TNFAIP2: variants seen among roughly 807,000 people sequenced by gnomAD.
TNFAIP2 encodes the protein tumor necrosis factor alpha-induced protein 2.
TNFAIP2 carries 47 observed loss-of-function variants against 63.5 expected under a neutral mutation model. That is an observed-to-expected ratio of 0.74 (90% CI 0.59 to 0.94). TNFAIP2 has a LOEUF of 0.94. Among genes scored for constraint, TNFAIP2 ranks in the 40% least tolerant of loss-of-function variants. TNFAIP2 has a pLI of 0.00. For missense variants in TNFAIP2, 787 were observed against 850.2 expected, an observed-to-expected ratio of 0.93 and a Z score of 0.92; for synonymous variants, 405 against 390.2, an observed-to-expected ratio of 1.04 and a Z score of -0.45.
chr14:103,128,625 C>G (rs8176386), intron 3 of TNFAIP2, among the ~76,000 whole-genome samples: 1 of 151,924 alleles, frequency 6.6e-6, no homozygotes, highest in Non-Finnish European at 1.5e-5. Context: ...GGCCTGTGGG[C>G]TCAGTTCGTG....
In TNFAIP2 at chr14:103,131,858, T is replaced by C. The variant is rs888615552; in HGVS notation, c.1422+96T>C. On this transcript the variant is annotated intron_variant, in intron 8 of 11. Transcript: ENST00000560869. This position sits in a 1 kb window ranked among gnomAD's most constrained non-coding sequence, Gnocchi z 4.0. ...CAGGGAGGAGTGGCAGAAGCAAAGA[T>C]GTGGGGAAGACACGCTCCAGGCCTG... is the stretch of plus-strand genomic sequence containing the variant. 5 of 1,493,900 alleles carry C rather than the reference T, an allele frequency of 3.3e-6. No homozygotes were observed. Among genetic ancestry groups the C allele is most frequent in the Admixed American group, 2.0e-5 (1 of 50,272 alleles). 92.5% of individuals were successfully genotyped at this position (1,493,900 alleles called of 1,614,324 possible).
In TNFAIP2 at chr14:103,133,375, C is replaced by T. The variant is rs2088026224; in HGVS notation, c.1559C>T (p.Ala520Val). 6.2e-7 allele frequency: 1 copy of T among 1,613,576 alleles called. No individual in the cohort carries two copies. Among genetic ancestry groups the T allele is most frequent in the Non-Finnish European group, 8.5e-7 (1 of 1,179,952 alleles). ...TTGCCCTCCCAGGAGCTCATGGAGGCCTTGCACCTGCACCTGGTGAAGGAG... is the reference window on the plus strand; with the variant it reads ...TTGCCCTCCCAGGAGCTCATGGAGGTCTTGCACCTGCACCTGGTGAAGGAG... Reference protein sequence around the residue: ...QGCFREELMEALHLHLVKEYI... With the variant: ...QGCFREELMEVLHLHLVKEYI... Residue 520 changes from alanine to valine, a missense_variant, in exon 10 of 12, where the codon GCC becomes GTC. By Grantham distance (64) the Ala-to-Val change is moderately conservative. Transcript: ENST00000560869.
In TNFAIP2 at chr14:103,127,333, G is replaced by A. The variant is rs2087879243; in HGVS notation, c.564G>A (p.Gln188=). The A allele has an allele frequency of 9.0e-7, 1 of 1,116,996 alleles. No homozygotes were observed. Among genetic ancestry groups the A allele is most frequent in the Non-Finnish European group, 1.1e-6 (1 of 911,480 alleles). The allele number at this position is 1,116,996 out of a possible 1,614,324, so 69.2% of individuals were successfully genotyped here. ...LAATRPRRWL[Q]LWRRGVAEAA... ...CCACGCGCCCGCGGCGCTGGCTGCAGCTGTGGCGGCGCGGCGTGGCGGAGG... is the reference window on the plus strand; with the variant it reads ...CCACGCGCCCGCGGCGCTGGCTGCAACTGTGGCGGCGCGGCGTGGCGGAGG... Residue 188 remains glutamine, a synonymous_variant, in exon 3 of 12, where the codon CAG becomes CAA. Transcript: ENST00000560869. This position sits in a 1 kb window ranked among gnomAD's most constrained non-coding sequence, Gnocchi z 5.1.
At chr14:103,129,504 TGG>T (rs35176857) in intron 3 of TNFAIP2, among the ~76,000 whole-genome samples, 103,443 of 129,204 alleles carry the variant, frequency 0.8, 40,434 homozygotes, top group African/African-American at 0.87. Flanking sequence ...CAGGACCTAA[TGG>T]GGGGGGGGTG....
intron 11 of TNFAIP2, among the ~76,000 whole-genome samples, chr14:103,134,286 G>C (rs931791413): frequency 6.6e-6 from 1 of 152,204 alleles, no homozygotes. Flanking sequence ...AAGTTTGAAT[G>C]GGTCTTGACA....
Position 103,135,686 on chromosome 14 carries a change from G to A in TNFAIP2, c.*326G>A. 1 of 1,248,710 alleles carries A rather than the reference G, an allele frequency of 8.0e-7. No homozygotes were observed. Among genetic ancestry groups the A allele is most frequent in the South Asian group, 1.5e-5 (1 of 65,498 alleles). The allele number at this position is 1,248,710 out of a possible 1,614,324, so 77.4% of individuals were successfully genotyped here. Reference sequence around the variant, plus strand: ...GTGCAGCCAGGCTCAGGGATCCCCGGACACCTCTGTCCAGAGCCCCTCCAC... The same window carrying A: ...GTGCAGCCAGGCTCAGGGATCCCCGAACACCTCTGTCCAGAGCCCCTCCAC... On this transcript the variant is annotated 3_prime_UTR_variant, in exon 12 of 12. Coordinates refer to ENST00000560869, the MANE Select transcript of TNFAIP2 (RefSeq NM_006291.4). The surrounding 1 kb of genome is among the most constrained non-coding windows in gnomAD (Gnocchi z 7.6).
upstream of TNFAIP2, among the ~76,000 whole-genome samples, chr14:103,123,239 G>A (rs2087781408): frequency 1.3e-5 from 2 of 152,156 alleles, no homozygotes. Context: ...CCAGCCCCCC[G>A]CCCCTGCCCG....
At chr14:103,132,526 G>T (rs8176390) in intron 8 of TNFAIP2, among the ~76,000 whole-genome samples, 1 of 152,190 alleles carries the variant, frequency 6.6e-6, no homozygotes, top group Non-Finnish European at 1.5e-5. Context: ...CTCCTGAGCC[G>T]CACTGGGTGA....
chr14:103,132,974 G>A (rs1887940), intron 9 of TNFAIP2, 102 bp downstream of exon 9: 1,215,218 of 1,533,680 alleles, frequency 0.79, 484,037 homozygotes, highest in African/African-American at 0.88. Context: ...GTGCTCACAC[G>A]CGCACATGTG....
Position 103,127,376 on chromosome 14 carries a change from G to A in TNFAIP2, c.607G>A (p.Gly203Ser), listed in dbSNP as rs1045964343. 55 of 1,521,442 alleles carry A rather than the reference G, an allele frequency of 3.6e-5. No individual in the cohort carries two copies. Among genetic ancestry groups the A allele is most frequent in the Middle Eastern group, 1.8e-4 (1 of 5,464 alleles). The allele number at this position is 1,521,442 out of a possible 1,614,324, so 94.2% of individuals were successfully genotyped here. The change falls in exon 3 of 12, where the codon GGC (glycine) becomes AGC (serine). Residue 203 changes from glycine to serine, a missense_variant. Physicochemically the swap from Gly to Ser is moderately conservative, Grantham distance 56 (BLOSUM62 0). Transcript: ENST00000560869. This position sits in a 1 kb window ranked among gnomAD's most constrained non-coding sequence, Gnocchi z 5.1. ...GVAEAAEERMGQRPAAGAEVP... is the reference protein window; with the variant it reads ...GVAEAAEERMSQRPAAGAEVP... Reference sequence around the variant, plus strand: ...GGCGGAGGCGGCCGAGGAGCGCATGGGCCAGCGGCCGGCCGCGGGCGCCGA... The same window carrying A: ...GGCGGAGGCGGCCGAGGAGCGCATGAGCCAGCGGCCGGCCGCGGGCGCCGA...
rs1333340601 is a variant in TNFAIP2 at position 103,131,400 on chromosome 14, ATCTG to A, written c.1299-235_1299-232del. On this transcript the variant is annotated intron_variant, in intron 7 of 11. Transcript: ENST00000560869. This position sits in a 1 kb window ranked among gnomAD's most constrained non-coding sequence, Gnocchi z 4.0. ...GCAACCCTGTGAAGTAGGTATAGTG[ATCTG>A]TCTATTAGGCAGATGGGCAAACCAC... Among the ~76,000 whole-genome samples the A allele has an allele frequency of 3.3e-5, 5 of 152,164 alleles. No individual in the cohort carries two copies. The highest frequency in any genetic ancestry group is 3.3e-4 in the Admixed American group (5 of 15,274).
Position 103,127,505 on chromosome 14 carries a change from G to A in TNFAIP2, c.736G>A (p.Val246Met). ...GCTGTTCCCCGCCGAGTTCGGCGTCGTGGCGGCCTACGCCGAGAGCTACCA... is the reference window on the plus strand; with the variant it reads ...GCTGTTCCCCGCCGAGTTCGGCGTCATGGCGGCCTACGCCGAGAGCTACCA... ...KPLFPAEFGVVAAYAESYHQH... is the reference protein window; with the variant it reads ...KPLFPAEFGVMAAYAESYHQH... The change falls in exon 3 of 12, where the codon GTG (valine) becomes ATG (methionine). Residue 246 changes from valine (V) to methionine (M), a missense_variant. Physicochemically the swap from Val to Met is conservative, Grantham distance 21. Transcript: ENST00000560869. The surrounding 1 kb of genome is among the most constrained non-coding windows in gnomAD (Gnocchi z 5.1). 6.3e-7 allele frequency: 1 copy of A among 1,589,842 alleles called. No homozygotes were observed. The highest frequency in any genetic ancestry group is 8.5e-7 in the Non-Finnish European group (1 of 1,175,804).
Position 103,135,115 on chromosome 14 carries a change from C to A in TNFAIP2, c.1824-104C>A, listed in dbSNP as rs983518611. 2.1e-6 allele frequency: 3 copies of A among 1,437,866 alleles called. No homozygotes were observed. The highest frequency in any genetic ancestry group is 2.8e-5 in the African/African-American group (2 of 71,394). The allele number at this position is 1,437,866 out of a possible 1,614,324, so 89.1% of individuals were successfully genotyped here. A position where few individuals can be genotyped will look rare whatever the true frequency, so the allele number is the denominator to read the frequency against. ...AGTGAAGTGCAGCCCCCTCGTGGGCCGGGCGTTGGCTGTCGGGCCCTGTGG... is the reference window on the plus strand; with the variant it reads ...AGTGAAGTGCAGCCCCCTCGTGGGCAGGGCGTTGGCTGTCGGGCCCTGTGG... On this transcript the variant is annotated intron_variant, in intron 11 of 11. Coordinates refer to ENST00000560869, the MANE Select transcript of TNFAIP2 (RefSeq NM_006291.4). The surrounding 1 kb of genome is among the most constrained non-coding windows in gnomAD (Gnocchi z 7.6).
chr14:103,136,121 C>A lies in TNFAIP2; in HGVS notation c.*761C>A. On this transcript the variant is annotated 3_prime_UTR_variant, in exon 12 of 12. Transcript: ENST00000560869. Reference sequence around the variant, plus strand: ...CTCTCAGGCTCCCCCTTCCCCAAGGCAGGGACAGGCCCTGGGGGTGCCACC... The same window carrying A: ...CTCTCAGGCTCCCCCTTCCCCAAGGAAGGGACAGGCCCTGGGGGTGCCACC... 1 of 975,356 alleles carries A rather than the reference C, an allele frequency of 1.0e-6. No homozygotes were observed. Among genetic ancestry groups the A allele is most frequent in the Non-Finnish European group, 1.3e-6 (1 of 745,758 alleles). 60.4% of individuals were successfully genotyped at this position (975,356 alleles called of 1,614,324 possible). A position where few individuals can be genotyped will look rare whatever the true frequency, so the allele number is the denominator to read the frequency against.
intron 1 of TNFAIP2, among the ~76,000 whole-genome samples, chr14:103,125,197 C>G (rs1448614792): frequency 2.6e-5 from 4 of 152,228 alleles, no homozygotes; most frequent in Non-Finnish European, 5.9e-5. Flanking sequence ...CAGGTGGCAT[C>G]AAGGTTACAG....
At position 103,136,841 on chromosome 14, in the gene TNFAIP2, T is replaced by C. The variant is rs2088103833; in HGVS notation, c.*1481T>C. On this transcript the variant is annotated 3_prime_UTR_variant, in exon 12 of 12. Coordinates refer to ENST00000560869, the MANE Select transcript of TNFAIP2 (RefSeq NM_006291.4). Reference sequence around the variant, plus strand: ...CTTTTAAGGACGCTTATGATCACATTGCGCCTACCCAGAGAACCCAGGTCG... The same window carrying C: ...CTTTTAAGGACGCTTATGATCACATCGCGCCTACCCAGAGAACCCAGGTCG... 6.6e-6 allele frequency: 1 copy of C among 152,192 alleles called. No individual in the cohort carries two copies. The allele number at this position is 152,192 out of a possible 1,614,324, so 9.4% of individuals were successfully genotyped here.
chr14:103,127,492 C>T lies in TNFAIP2; in HGVS notation c.723C>T (p.Ala241=), dbSNP rs1227437358. ...VVERLKPLFP[A]EFGVVAAYAE... ...AGCGGCTGAAGCCGCTGTTCCCCGC[C>T]GAGTTCGGCGTCGTGGCGGCCTACG... is the stretch of plus-strand genomic sequence containing the variant. Residue 241 remains alanine (A), a synonymous_variant, in exon 3 of 12, where the codon GCC becomes GCT. Coordinates refer to ENST00000560869, the MANE Select transcript of TNFAIP2 (RefSeq NM_006291.4). The surrounding 1 kb of genome is among the most constrained non-coding windows in gnomAD (Gnocchi z 5.1). The T allele has an allele frequency of 1.3e-6, 2 of 1,590,082 alleles. No individual in the cohort carries two copies. The highest frequency in any genetic ancestry group is 1.3e-5 in the African/African-American group (1 of 74,824).
chr14:103,132,492 G>A (rs558358530), intron 8 of TNFAIP2, among the ~76,000 whole-genome samples: 4 of 152,298 alleles, frequency 2.6e-5, no homozygotes, highest in South Asian at 2.1e-4. Flanking sequence ...CTTGGCCTCC[G>A]GGCCGGCAGA....
Position 103,127,725 on chromosome 14 carries a change from A to G in TNFAIP2, c.860+96A>G. The G allele has an allele frequency of 5.9e-6, 8 of 1,354,736 alleles. No homozygotes were observed. Among genetic ancestry groups the G allele is most frequent in the Non-Finnish European group, 7.7e-6 (8 of 1,038,192 alleles). 83.9% of individuals were successfully genotyped at this position (1,354,736 alleles called of 1,614,324 possible). ...TCGAGGTGTGCCGCCGGCAGCTTTT[A>G]GTGAGGTCGGTGTTTGCAGAGTTTT... On this transcript the variant is annotated intron_variant, in intron 3 of 11. Transcript: ENST00000560869. The surrounding 1 kb of genome is among the most constrained non-coding windows in gnomAD (Gnocchi z 5.1).
Sources: gnomAD v4.1 joint callset for allele counts (sites outside exome capture counted in the v4.1 genomes callset) on GRCh38, gnomAD v4.1.1 for gene constraint, Gnocchi (gnomAD v3.1) non-coding constraint, MANE v1.5 for transcripts, NCBI Gene and HGNC (gene_info 2026-07-23, HGNC 2026-07-21) for gene names.